The following LPXN variants were observed in gnomAD, a reference collection of about 807,000 sequenced individuals.
The protein encoded by LPXN is leupaxin.
LPXN carries 28 observed loss-of-function variants against 45.6 expected under a neutral mutation model. The ratio of observed to expected loss-of-function variants is 0.61; its 90% confidence interval spans 0.45 to 0.84. LPXN has a LOEUF of 0.84. Among genes scored for constraint, LPXN ranks in the 40% least tolerant of loss-of-function variants. LPXN has a pLI of 0.00. For missense variants in LPXN, 459 were observed against 475.0 expected (o/e 0.97, Z 0.31); for synonymous variants, 166 against 169.9 (o/e 0.98, Z 0.18).
At chr11:58,560,173 T>C (rs568527071) in intron 3 of LPXN, among the ~76,000 whole-genome samples, 23 of 152,268 alleles carry the variant, frequency 1.5e-4, no homozygotes, top group Non-Finnish European at 3.2e-4. Flanking sequence ...ACTAGGAAAA[T>C]AGCTAACACA....
At chr11:58,538,493 T>C (rs1853621813) in intron 7 of LPXN, among the ~76,000 whole-genome samples, 1 of 152,142 alleles carries the variant, frequency 6.6e-6, no homozygotes, top group African/African-American at 2.4e-5. Context: ...TATCTCATTG[T>C]GGTTTTGATT....
intron 4 of LPXN, among the ~76,000 whole-genome samples, chr11:58,551,795 T>C (rs1422422736): frequency 1.1e-4 from 16 of 152,148 alleles, no homozygotes; most frequent in Admixed American, 9.8e-4. Flanking sequence ...TTGATTTAGA[T>C]GGAGGTAATA....
intron 3 of LPXN, among the ~76,000 whole-genome samples, chr11:58,558,612 G>A (rs1854282972): frequency 1.3e-5 from 2 of 150,044 alleles, no homozygotes; most frequent in African/African-American, 2.4e-5. Context: ...TAGGTCAAAG[G>A]AGTAGATTAG....
intron 1 of LPXN, 60 bp downstream of exon 1, chr11:58,575,700 C>A: frequency 1.3e-6 from 2 of 1,591,206 alleles, no homozygotes; most frequent in African/African-American, 2.7e-5. Flanking sequence ...CCCCACCACA[C>A]AAGGAGATGG....
chr11:58,553,690 T>C (rs116803694), intron 4 of LPXN, among the ~76,000 whole-genome samples: 1,767 of 152,312 alleles, frequency 0.012, 41 homozygotes, highest in African/African-American at 0.04. Flanking sequence ...ATATACTGCT[T>C]TGAAATTATT....
intron 7 of LPXN, among the ~76,000 whole-genome samples, chr11:58,541,240 G>C (rs1853709214): frequency 6.6e-6 from 1 of 152,154 alleles, no homozygotes; most frequent in African/African-American, 2.4e-5. Flanking sequence ...ACTACCATCA[G>C]AGTGAACAGG....
chr11:58,530,329 T>G (rs1044033956), intron 7 of LPXN, among the ~76,000 whole-genome samples: 3 of 152,294 alleles, frequency 2.0e-5, no homozygotes, highest in Non-Finnish European at 4.4e-5. Context: ...CACAGCAGTC[T>G]GAGCTCGACC....
Position 58,529,564 on chromosome 11 carries a change from C to T in LPXN, c.743-1373G>A, listed in dbSNP as rs58316672. 4.8e-3 allele frequency among the ~76,000 whole-genome samples: 708 copies of T among 147,522 alleles called. 8 individuals carry two copies. The highest frequency in any genetic ancestry group is 0.016 in the African/African-American group (647 of 39,906). On this transcript the variant is annotated intron_variant, in intron 7 of 8. Transcript: ENST00000395074. The stretch of plus-strand genomic sequence containing the variant: ...GGCAGAGCTTGCAGTGAGCCGAGAT[C>T]GCACCACTGCACTCCAGCCTGGGAG...
chr11:58,527,610 G>T lies in LPXN; in HGVS notation c.1005C>A (p.Pro335=). 1 of 1,614,166 alleles carries T rather than the reference G, an allele frequency of 6.2e-7. No homozygotes were observed. The highest frequency in any genetic ancestry group is 8.5e-7 in the Non-Finnish European group (1 of 1,180,020). Residue 335 remains proline, a synonymous_variant, in exon 9 of 9, where the codon CCC becomes CCA. Transcript: ENST00000395074. Reference sequence around the variant, plus strand: ...TGGCACTGATACAACGGCCAGTGATGGGCTGCCCACACCCATGGCAGAGCG... The same window carrying T: ...TGGCACTGATACAACGGCCAGTGATTGGCTGCCCACACCCATGGCAGAGCG... ...RGTLCHGCGQ[P]ITGRCISAMG... is the part of the protein sequence containing the mutation.
At chr11:58,569,407 G>A (rs898684565) in intron 2 of LPXN, among the ~76,000 whole-genome samples, 5 of 147,732 alleles carry the variant, frequency 3.4e-5, no homozygotes, top group Admixed American at 6.7e-5. Flanking sequence ...TTTGTTTTTT[G>A]AGACAAGCTC....
At chr11:58,563,167 TGAGG>T (rs1854429051) in intron 3 of LPXN, among the ~76,000 whole-genome samples, 2 of 152,348 alleles carry the variant, frequency 1.3e-5, no homozygotes, top group African/African-American at 4.8e-5. Context: ...AAATATTTAC[TGAGG>T]ACCTATTGTG....
At chr11:58,549,608 A>G (rs1338624667) in intron 7 of LPXN, among the ~76,000 whole-genome samples, 178 bp downstream of exon 7, 2 of 152,188 alleles carry the variant, frequency 1.3e-5, no homozygotes, top group South Asian at 2.1e-4. Flanking sequence ...TAAAAAATCA[A>G]TTTAAAGGGA....
At chr11:58,575,466 AACAAG>A (rs1854855345) in intron 1 of LPXN, among the ~76,000 whole-genome samples, 2 of 152,140 alleles carry the variant, frequency 1.3e-5, no homozygotes, top group Non-Finnish European at 2.9e-5. Flanking sequence ...AAACGCCCAT[AACAAG>A]ACAACAACTG....
chr11:58,546,053 T>C (rs544473541), intron 7 of LPXN, among the ~76,000 whole-genome samples: 1 of 152,264 alleles, frequency 6.6e-6, no homozygotes, highest in African/African-American at 2.4e-5. Context: ...TAAGAAATTA[T>C]GTAAATTATA....
At position 58,551,133 on chromosome 11, in the gene LPXN, G is replaced by A. The variant is rs1473371189; in HGVS notation, c.418C>T (p.Gln140Ter). 6.2e-7 allele frequency: 1 copy of A among 1,610,962 alleles called. No individual in the cohort carries two copies. Among genetic ancestry groups the A allele is most frequent in the South Asian group, 1.1e-5 (1 of 90,654 alleles). Residue 140 changes from glutamine (Q) to a stop codon, truncating the protein, a stop_gained, in exon 5 of 9, where the codon CAG becomes TAG. Coordinates refer to ENST00000395074, the MANE Select transcript of LPXN (RefSeq NM_004811.3). LOFTEE classifies it high-confidence loss of function. Reference protein sequence around the residue: ...SMLGGLEQELQDLGIATVPKG... With the variant: ...SMLGGLEQEL Reference sequence around the variant, plus strand: ...GGCACTGTGGCAATGCCAAGGTCCTGCAATTCCTGCTCCAGACCCCCAAGC... The same window carrying A: ...GGCACTGTGGCAATGCCAAGGTCCTACAATTCCTGCTCCAGACCCCCAAGC...
chr11:58,576,428 G>C (rs1191569601), upstream of LPXN, among the ~76,000 whole-genome samples: 3 of 152,152 alleles, frequency 2.0e-5, no homozygotes, highest in African/African-American at 7.2e-5. Flanking sequence ...AAAGAAGGAA[G>C]CCAGGTTTGA....
chr11:58,528,946 CT>C (rs1331831154), intron 7 of LPXN, among the ~76,000 whole-genome samples: 2 of 151,902 alleles, frequency 1.3e-5, no homozygotes, highest in Non-Finnish European at 2.9e-5. Context: ...CATATATTTC[CT>C]TTTTAATCAA....
chr11:58,549,726 T>G, intron 7 of LPXN, 60 bp downstream of exon 7: 1 of 1,452,554 alleles, frequency 6.9e-7, no homozygotes, highest in Non-Finnish European at 9.6e-7. Context: ...AGGAAAGGTG[T>G]TGCTGGTCTT....
chr11:58,565,113 A>G (rs1229227497), intron 2 of LPXN, among the ~76,000 whole-genome samples: 11 of 152,224 alleles, frequency 7.2e-5, no homozygotes, highest in Admixed American at 7.2e-4. Context: ...ATGGGTTCCA[A>G]AAATAAGTCA....
Sources: gnomAD v4.1 joint callset for allele counts (sites outside exome capture counted in the v4.1 genomes callset) on GRCh38, gnomAD v4.1.1 for gene constraint, MANE v1.5 for transcripts, NCBI Gene and HGNC (gene_info 2026-07-23, HGNC 2026-07-21) for gene names.